The following MARCHF8 variants were observed in gnomAD, a reference collection of about 807,000 sequenced individuals.
MARCHF8 encodes membrane associated ring-CH-type finger 8.
A neutral mutation model predicts 51.6 loss-of-function variants in MARCHF8; 40 were observed. That is an observed-to-expected ratio of 0.77 (90% CI 0.60 to 1.01). MARCHF8 has a LOEUF of 1.01. MARCHF8 is among the 50% of genes least tolerant of loss of function. MARCHF8 has a pLI of 0.00. For synonymous variants in MARCHF8, 263 were observed against 280.3 expected (o/e 0.94, Z 0.62); for missense variants, 685 against 708.6 (o/e 0.97, Z 0.38).
rs1564456984 is a variant in MARCHF8, at chr10:45,454,632, A to G, written c.*3607T>C. 1 of 152,240 alleles carries G rather than the reference A, an allele frequency of 6.6e-6. No individual in the cohort carries two copies. The highest frequency in any genetic ancestry group is 1.5e-5 in the Non-Finnish European group (1 of 68,042). 9.4% of individuals were successfully genotyped at this position (152,240 alleles called of 1,614,324 possible). A position where few individuals can be genotyped will look rare whatever the true frequency, so the allele number is the denominator to read the frequency against. ...TTGCTGCAATTAGACATCCCAGTGT[A>G]TAGCACAAACCCCCCTGTACAGAGA... On this transcript the variant is annotated 3_prime_UTR_variant, in exon 8 of 8. Transcript: ENST00000453424.
rs1333507756 is a variant in MARCHF8 at position 45,459,126 on chromosome 10, C to T, written c.1411G>A (p.Ala471Thr). 2 of 1,613,996 alleles carry T rather than the reference C, an allele frequency of 1.2e-6. No individual in the cohort carries two copies. The highest frequency in any genetic ancestry group is 1.7e-5 in the Admixed American group (1 of 59,992). The change falls in exon 7 of 8, where the codon GCA (alanine) becomes ACA (threonine). Residue 471 changes from alanine to threonine, a missense_variant. Ala to Thr is a moderately conservative substitution (Grantham distance 58). Transcript: ENST00000453424. ...CTCCAGCCTGAGAACTCACCTGTTGCCTGCCCCTGCTTGATCTCCTCAGCA... is the reference window on the plus strand; with the variant it reads ...CTCCAGCCTGAGAACTCACCTGTTGTCTGCCCCTGCTTGATCTCCTCAGCA... ...RTAEEIKQGQ[A>T]TGILEWPFWT...
At chr10:45,549,276 A>G (rs989131714) in intron 1 of MARCHF8, among the ~76,000 whole-genome samples, 4 of 152,130 alleles carry the variant, frequency 2.6e-5, no homozygotes, top group Non-Finnish European at 5.9e-5. Context: ...AAGATGTTCC[A>G]TTTTCTCTTG....
At chr10:45,534,138 G>A (rs559790956) in intron 1 of MARCHF8, among the ~76,000 whole-genome samples, 2 of 151,812 alleles carry the variant, frequency 1.3e-5, no homozygotes, top group East Asian at 1.9e-4. Flanking sequence ...AGCCAAGATC[G>A]CACCACTGCA....
Position 45,535,279 on chromosome 10 carries a change from G to A in MARCHF8, c.-147C>T, listed in dbSNP as rs2043955810. The A allele has an allele frequency of 6.6e-6, 1 of 152,196 alleles. No homozygotes were observed. Among genetic ancestry groups the A allele is most frequent in the South Asian group, 2.1e-4 (1 of 4,828 alleles). 9.4% of individuals were successfully genotyped at this position (152,196 alleles called of 1,614,324 possible). On this transcript the variant is annotated 5_prime_UTR_variant, in exon 1 of 8. Coordinates refer to ENST00000453424, the MANE Select transcript of MARCHF8 (RefSeq NM_001282866.2). Reference sequence around the variant, plus strand: ...GGTAAGCAGTTTTTTCATCACTAATGCACTAACGTCCTCTATTACAGATGA... The same window carrying A: ...GGTAAGCAGTTTTTTCATCACTAATACACTAACGTCCTCTATTACAGATGA...
rs2044644824 is a variant in MARCHF8 at position 45,588,759 on chromosome 10, G to C, written c.-79+5476C>G. On this transcript the variant is annotated intron_variant, in intron 1 of 6. Coordinates refer to the MARCHF8 transcript ENST00000319836. ...CATGCCTGTAATCCCAGCACTTTGG[G>C]AGGCCAAGGTGGGTGGATCACGAGG... Among the ~76,000 whole-genome samples, 3 of 152,248 alleles carry C rather than the reference G, an allele frequency of 2.0e-5. No individual in the cohort carries two copies. The South Asian group carries it at 6.2e-4, about 32-fold the overall frequency.
chr10:45,527,091 A>C (rs1244946369), intron 2 of MARCHF8, among the ~76,000 whole-genome samples: 1 of 152,224 alleles, frequency 6.6e-6, no homozygotes, highest in African/African-American at 2.4e-5. Flanking sequence ...ACAACATACC[A>C]AAACCTCTGG....
intron 1 of MARCHF8, among the ~76,000 whole-genome samples, chr10:45,534,862 C>T (rs1589158258): frequency 1.3e-5 from 2 of 152,232 alleles, no homozygotes; most frequent in East Asian, 3.9e-4. Context: ...AGTAGTGTCA[C>T]TAAGCAAGCA....
chr10:45,548,766 C>T (rs568041662), intron 1 of MARCHF8, among the ~76,000 whole-genome samples: 1 of 152,108 alleles, frequency 6.6e-6, no homozygotes, highest in East Asian at 1.9e-4. Flanking sequence ...GAGGCCGAGG[C>T]GGTGGATCGC....
intron 2 of MARCHF8, among the ~76,000 whole-genome samples, chr10:45,511,981 G>A (rs1290882530): frequency 6.0e-5 from 9 of 151,172 alleles, no homozygotes; most frequent in African/African-American, 1.7e-4. Context: ...CTGCCCGGCC[G>A]CCATCCCATC....
intron 2 of MARCHF8, among the ~76,000 whole-genome samples, chr10:45,525,500 A>G (rs1488400097): frequency 6.6e-6 from 1 of 152,214 alleles, no homozygotes; most frequent in Non-Finnish European, 1.5e-5. Context: ...CCAGACATGT[A>G]GAAGAATTCC....
chr10:45,558,963 C>G (rs940140360), intron 1 of MARCHF8, among the ~76,000 whole-genome samples: 1 of 152,176 alleles, frequency 6.6e-6, no homozygotes, highest in Admixed American at 6.6e-5. Context: ...TGTGCTTTGA[C>G]AATTCTTGCC....
At chr10:45,510,647 C>T (rs573017056) in intron 2 of MARCHF8, among the ~76,000 whole-genome samples, 1 of 152,232 alleles carries the variant, frequency 6.6e-6, no homozygotes, top group South Asian at 2.1e-4. Flanking sequence ...TAATATAGTC[C>T]AAATTTCTAG....
At chr10:45,580,449 G>A (rs764603446) in intron 1 of MARCHF8, among the ~76,000 whole-genome samples, 2 of 152,068 alleles carry the variant, frequency 1.3e-5, no homozygotes, top group African/African-American at 4.8e-5. Flanking sequence ...AACTACCACC[G>A]CTTACATGAT....
intron 1 of MARCHF8, among the ~76,000 whole-genome samples, chr10:45,571,131 C>T (rs541715402): frequency 1.8e-4 from 28 of 152,136 alleles, no homozygotes; most frequent in East Asian, 3.9e-4. Flanking sequence ...AGACCTAGAA[C>T]GGCCAAAACA....
At chr10:45,551,858 CACACACAG>C (rs1453895033) in intron 1 of MARCHF8, among the ~76,000 whole-genome samples, 2 of 152,094 alleles carry the variant, frequency 1.3e-5, no homozygotes, top group African/African-American at 4.8e-5. Flanking sequence ...CACACACACA[CACACACAG>C]ACACACACAC....
chr10:45,541,205 T>C (rs932193649), intron 1 of MARCHF8, among the ~76,000 whole-genome samples: 4 of 151,972 alleles, frequency 2.6e-5, no homozygotes, highest in Admixed American at 1.3e-4. Context: ...ATTAAGAAAA[T>C]GTGGCACATA....
At chr10:45,458,584 T>C (rs772813811) in intron 7 of MARCHF8, 41 bp from the exon 8 acceptor site, 14 of 1,523,418 alleles carry the variant, frequency 9.2e-6, no homozygotes, top group Non-Finnish European at 1.2e-5. Context: ...TTATTTAAGA[T>C]ATGAAGTAAA....
At chr10:45,493,544 A>G (rs2043121775) in intron 2 of MARCHF8, among the ~76,000 whole-genome samples, 2 of 152,126 alleles carry the variant, frequency 1.3e-5, no homozygotes, top group African/African-American at 4.8e-5. Context: ...CATGCCCTCT[A>G]GATTTCATTT....
chr10:45,517,458 C>T (rs1486246227), intron 2 of MARCHF8, among the ~76,000 whole-genome samples: 2 of 152,110 alleles, frequency 1.3e-5, no homozygotes, highest in African/African-American at 4.8e-5. Flanking sequence ...TGGTGCTGTC[C>T]TCATGATAGA....
Sources: gnomAD v4.1 joint callset for allele counts (sites outside exome capture counted in the v4.1 genomes callset) on GRCh38, gnomAD v4.1.1 for gene constraint, MANE v1.5 for transcripts, NCBI Gene and HGNC (gene_info 2026-07-23, HGNC 2026-07-21) for gene names.